The following SH3RF3 variants were observed in gnomAD, a reference collection of about 807,000 sequenced individuals.
SH3RF3 encodes E3 ubiquitin-protein ligase SH3RF3.
SH3RF3 carries 29 observed loss-of-function variants against 66.3 expected under a neutral mutation model. That is an observed-to-expected ratio of 0.44 (90% CI 0.33 to 0.60). The LOEUF is 0.60. SH3RF3 is among the 20% of genes least tolerant of loss of function. SH3RF3 has a pLI of 0.04. For missense variants in SH3RF3, 1,194 were observed against 1,190.9 expected, an observed-to-expected ratio of 1.00 and a Z score of -0.04; for synonymous variants, 583 against 532.0, an observed-to-expected ratio of 1.10 and a Z score of -1.32.
At chr2:109,470,928 C>A (rs1027640348) in intron 8 of SH3RF3, among the ~76,000 whole-genome samples, 12 of 152,102 alleles carry the variant, frequency 7.9e-5, no homozygotes, top group African/African-American at 2.9e-4. Context: ...TAAAGAAATA[C>A]CAGAGACTAG....
intron 3 of SH3RF3, among the ~76,000 whole-genome samples, chr2:109,383,012 C>T (rs1016051337): frequency 2.0e-5 from 3 of 152,240 alleles, no homozygotes; most frequent in Non-Finnish European, 4.4e-5. Flanking sequence ...ACCTGGAGAT[C>T]GGCCTTAGGA....
intron 1 of SH3RF3, among the ~76,000 whole-genome samples, chr2:109,171,921 G>A (rs1471342446): frequency 6.6e-6 from 1 of 152,244 alleles, no homozygotes; most frequent in East Asian, 1.9e-4. Context: ...TGCATGTGCC[G>A]AGCCCAGCCT....
At chr2:109,472,979 C>A (rs1678564367) in intron 8 of SH3RF3, among the ~76,000 whole-genome samples, 1 of 152,286 alleles carries the variant, frequency 6.6e-6, no homozygotes, top group South Asian at 2.1e-4. Context: ...AAATTCTACC[C>A]GACTCGTGGG....
intron 4 of SH3RF3, among the ~76,000 whole-genome samples, chr2:109,409,863 G>A (rs758031796): frequency 1.3e-5 from 2 of 152,132 alleles, no homozygotes; most frequent in South Asian, 2.1e-4. Context: ...GAGTGGTAGC[G>A]AGTGATGAAT....
chr2:109,347,962 C>T lies in SH3RF3; in HGVS notation c.849+13C>T, dbSNP rs1383323555. On this transcript the variant is annotated intron_variant, in intron 2 of 9. Transcript: ENST00000309415. ...GACCTTCACCAAGGTAAGGTGAGCC[C>T]CGGGGTGGGCCCCGCCAGCCCATGC... The T allele has an allele frequency of 1.9e-6, 3 of 1,586,808 alleles. No individual in the cohort carries two copies. The highest frequency in any genetic ancestry group is 1.7e-6 in the Non-Finnish European group (2 of 1,166,932).
intron 2 of SH3RF3, among the ~76,000 whole-genome samples, chr2:109,350,590 C>T (rs1350239893): frequency 6.6e-6 from 1 of 152,198 alleles, no homozygotes; most frequent in Non-Finnish European, 1.5e-5. Flanking sequence ...TCTCACTCCT[C>T]AGTGTCCGCA....
At chr2:109,436,838 T>C in intron 6 of SH3RF3, 55 bp from the exon 7 acceptor site, 1 of 1,577,456 alleles carries the variant, frequency 6.3e-7, no homozygotes, top group Non-Finnish European at 8.6e-7. Flanking sequence ...GAGGCCCACA[T>C]GGCACGAATG....
At chr2:109,231,054 A>G (rs1342358698) in intron 1 of SH3RF3, among the ~76,000 whole-genome samples, 1 of 152,258 alleles carries the variant, frequency 6.6e-6, no homozygotes, top group Non-Finnish European at 1.5e-5. Flanking sequence ...ACAGAGCAGC[A>G]GAGTTGGCTT....
chr2:109,428,894 G>A (rs1432590478), intron 5 of SH3RF3, among the ~76,000 whole-genome samples: 2 of 152,144 alleles, frequency 1.3e-5, no homozygotes, highest in African/African-American at 4.8e-5. Context: ...GCTACCTGCA[G>A]GTGCTGCCCG....
At chr2:109,269,803 A>C (rs187424671) in intron 1 of SH3RF3, among the ~76,000 whole-genome samples, 1 of 152,164 alleles carries the variant, frequency 6.6e-6, no homozygotes. Context: ...ATAGTTACCA[A>C]GATACTTGTG....
intron 8 of SH3RF3, among the ~76,000 whole-genome samples, chr2:109,477,145 C>T (rs1678704181): frequency 6.6e-6 from 1 of 152,134 alleles, no homozygotes; most frequent in Admixed American, 6.5e-5. Context: ...GTTCAAACGC[C>T]TCTGACAATT....
intron 1 of SH3RF3, among the ~76,000 whole-genome samples, chr2:109,197,470 C>G (rs979231044): frequency 6.6e-6 from 1 of 152,190 alleles, no homozygotes; most frequent in Non-Finnish European, 1.5e-5. Context: ...GAGGCTCTCC[C>G]CAACCCCAGC....
chr2:109,240,128 C>G (rs1023814862), intron 1 of SH3RF3, among the ~76,000 whole-genome samples: 8 of 152,202 alleles, frequency 5.3e-5, no homozygotes, highest in Admixed American at 3.9e-4. Context: ...GGATTCTAGA[C>G]TTGGCACTGC....
At chr2:109,377,155 G>C (rs1426036557) in intron 3 of SH3RF3, among the ~76,000 whole-genome samples, 1 of 152,226 alleles carries the variant, frequency 6.6e-6, no homozygotes, top group Non-Finnish European at 1.5e-5. Flanking sequence ...CCCATTGATT[G>C]TCTGTTTCTA....
intron 3 of SH3RF3, among the ~76,000 whole-genome samples, chr2:109,389,698 T>C (rs1675928641): frequency 6.6e-6 from 1 of 152,234 alleles, no homozygotes; most frequent in African/African-American, 2.4e-5. Context: ...CTATTTTATA[T>C]ATTTTTGGTA....
At chr2:109,260,738 C>T (rs1004222760) in intron 1 of SH3RF3, among the ~76,000 whole-genome samples, 3 of 152,262 alleles carry the variant, frequency 2.0e-5, no homozygotes, top group South Asian at 4.1e-4. Context: ...TGTCCATGGG[C>T]AATCCAGGGA....
chr2:109,479,506 A>G (rs1038498292), intron 8 of SH3RF3, among the ~76,000 whole-genome samples: 2 of 152,050 alleles, frequency 1.3e-5, no homozygotes, highest in African/African-American at 4.8e-5. Flanking sequence ...AATAAGTTCC[A>G]CCGTATCTGT....
intron 1 of SH3RF3, among the ~76,000 whole-genome samples, chr2:109,250,260 A>T (rs1049321210): frequency 1.3e-5 from 2 of 152,128 alleles, no homozygotes; most frequent in African/African-American, 4.8e-5. Context: ...GAATGTTTAG[A>T]ACTTTGGAAG....
chr2:109,429,259 GA>G (rs1322371055), intron 5 of SH3RF3, among the ~76,000 whole-genome samples: 2 of 152,174 alleles, frequency 1.3e-5, no homozygotes, highest in Non-Finnish European at 2.9e-5. Flanking sequence ...CCGCATGCCA[GA>G]AAACAGACCC....
Sources: allele counts gnomAD v4.1 joint callset (sites outside exome capture counted in the v4.1 genomes callset), GRCh38; gene constraint gnomAD v4.1.1; transcripts MANE v1.5; gene names NCBI Gene and HGNC (gene_info 2026-07-23, HGNC 2026-07-21).